Variants in PHLPP2 observed in about 807,000 individuals in gnomAD.
The protein encoded by PHLPP2 is PH domain and leucine rich repeat protein phosphatase 2.
A neutral mutation model predicts 124.9 loss-of-function variants in PHLPP2; 66 were observed. That is an observed-to-expected ratio of 0.53 (90% CI 0.43 to 0.65). The LOEUF is 0.65. Among genes scored for constraint, PHLPP2 ranks in the 30% least tolerant of loss-of-function variants. PHLPP2 has a pLI of 0.00. For synonymous variants in PHLPP2, 681 were observed against 624.7 expected (o/e 1.09, Z -1.34); for missense variants, 1,685 against 1,600.4 (o/e 1.05, Z -0.90).
rs1409315711 is a variant in PHLPP2, at chr16:71,686,772, T to C, written c.610-2171A>G. On this transcript the variant is annotated intron_variant, in intron 4 of 18. Coordinates refer to ENST00000568954, the MANE Select transcript of PHLPP2 (RefSeq NM_015020.3). ...GTTCTTGTATCAGCAGTTCTTTCCC[T>C]TTTTTTTTTTTCGCTTAGCAGTATT... is the stretch of plus-strand genomic sequence containing the variant. Among the ~76,000 whole-genome samples, 8 of 134,336 alleles carry C rather than the reference T, an allele frequency of 6.0e-5. No individual in the cohort carries two copies. The South Asian group carries it at 1.5e-3, about 26-fold the overall frequency. 88.1% of individuals were successfully genotyped at this position (134,336 alleles called of 152,430 possible).
At chr16:71,684,421 C>A (rs1479031985) in intron 5 of PHLPP2, 55 bp downstream of exon 5, 4 of 1,587,158 alleles carry the variant, frequency 2.5e-6, no homozygotes, top group Non-Finnish European at 8.6e-7. Context: ...CCACCACGCC[C>A]GGCCTAGGGT....
intron 12 of PHLPP2, among the ~76,000 whole-genome samples, chr16:71,666,596 C>T (rs1252477962): frequency 6.6e-6 from 1 of 152,180 alleles, no homozygotes; most frequent in African/African-American, 2.4e-5. Context: ...GTGATGTACA[C>T]ATTAGGTAAA....
chr16:71,657,259 A>G (rs1391816623), intron 15 of PHLPP2, among the ~76,000 whole-genome samples: 2 of 151,230 alleles, frequency 1.3e-5, no homozygotes, highest in Non-Finnish European at 2.9e-5. Flanking sequence ...TGTATTTTTA[A>G]TAGGGATGGA....
At chr16:71,717,120 T>G (rs1469002936) in intron 1 of PHLPP2, among the ~76,000 whole-genome samples, 1 of 152,220 alleles carries the variant, frequency 6.6e-6, no homozygotes, top group Non-Finnish European at 1.5e-5. Flanking sequence ...TGGAGAACCC[T>G]ACATCTTTGC....
chr16:71,660,771 C>CT (rs563793089), intron 13 of PHLPP2, among the ~76,000 whole-genome samples: 2 of 152,034 alleles, frequency 1.3e-5, no homozygotes, highest in African/African-American at 4.8e-5. Flanking sequence ...AAATCTCGTG[C>CT]TTTTTTCCCT....
At chr16:71,681,644 G>A in intron 6 of PHLPP2, 107 bp downstream of exon 6, 2 of 831,586 alleles carry the variant, frequency 2.4e-6, no homozygotes, top group Non-Finnish European at 3.6e-6. Context: ...CTTCAAAAGG[G>A]AGGGGAAATT....
intron 2 of PHLPP2, among the ~76,000 whole-genome samples, chr16:71,702,944 C>A (rs2045245756): frequency 6.6e-6 from 1 of 152,036 alleles, no homozygotes; most frequent in Non-Finnish European, 1.5e-5. Flanking sequence ...ATCCTTCACT[C>A]CCACCCCACC....
intron 2 of PHLPP2, 101 bp from the exon 3 acceptor site, chr16:71,702,832 G>T: frequency 1.4e-6 from 1 of 708,176 alleles, no homozygotes; most frequent in Non-Finnish European, 2.2e-6. Flanking sequence ...AGGGGTACAA[G>T]TGCTATTCTG....
intron 1 of PHLPP2, among the ~76,000 whole-genome samples, chr16:71,720,215 A>C (rs1014124614): frequency 5.3e-5 from 8 of 151,008 alleles, no homozygotes; most frequent in Non-Finnish European, 1.0e-4. Context: ...GTGATCCACC[A>C]GCCTCGGCCT....
chr16:71,666,086 T>C (rs2044837454), intron 12 of PHLPP2: 1 of 152,196 alleles, frequency 6.6e-6, no homozygotes, highest in Non-Finnish European at 1.5e-5. Flanking sequence ...AAAAACTAGT[T>C]TTCAGTGCTT....
At chr16:71,707,177 G>A (rs1267025711) in intron 2 of PHLPP2, among the ~76,000 whole-genome samples, 2 of 151,482 alleles carry the variant, frequency 1.3e-5, no homozygotes, top group Non-Finnish European at 2.9e-5. Context: ...GGATGGTCTC[G>A]ATCTCCTGAC....
chr16:71,662,652 T>C (rs2044802099), intron 13 of PHLPP2, among the ~76,000 whole-genome samples: 2 of 152,216 alleles, frequency 1.3e-5, no homozygotes, highest in Non-Finnish European at 2.9e-5. Flanking sequence ...TCAAATGTCA[T>C]TGCCTCACAT....
At chr16:71,700,226 G>A (rs956356009) in intron 3 of PHLPP2, among the ~76,000 whole-genome samples, 8 of 152,100 alleles carry the variant, frequency 5.3e-5, no homozygotes, top group East Asian at 1.9e-4. Flanking sequence ...GCAACATGGC[G>A]AGACCTCAGC....
At position 71,701,391 on chromosome 16, in the gene PHLPP2, A is replaced by G. The variant is rs367588737; in HGVS notation, c.418+1207T>C. Among the ~76,000 whole-genome samples, 223 of 152,112 alleles carry G rather than the reference A, an allele frequency of 1.5e-3. 8 individuals carry two copies. The South Asian group carries it at 0.041, about 28-fold the overall frequency. ...CCAGGTACATTATTACTTTTCAAAGATTATTAACTTTAAGTTTCATCCCAA... is the reference window on the plus strand; with the variant it reads ...CCAGGTACATTATTACTTTTCAAAGGTTATTAACTTTAAGTTTCATCCCAA... On this transcript the variant is annotated intron_variant, in intron 3 of 18. Transcript: ENST00000568954.
chr16:71,690,168 TG>T, intron 4 of PHLPP2, among the ~76,000 whole-genome samples: 1 of 152,054 alleles, frequency 6.6e-6, no homozygotes, highest in Non-Finnish European at 1.5e-5. Flanking sequence ...TTAATTTAAT[TG>T]GGGGGGAAAA....
chr16:71,691,213 G>A (rs550449677), intron 3 of PHLPP2, among the ~76,000 whole-genome samples: 3 of 152,098 alleles, frequency 2.0e-5, no homozygotes, highest in Non-Finnish European at 2.9e-5. Context: ...CAGCACTTTG[G>A]GGGGGCCAAG....
At position 71,690,675 on chromosome 16, in the gene PHLPP2, G is replaced by C; in HGVS notation, c.453C>G (p.Ile151Met). 1 of 1,613,444 alleles carries C rather than the reference G, an allele frequency of 6.2e-7. No homozygotes were observed. The highest frequency in any genetic ancestry group is 1.1e-5 in the South Asian group (1 of 90,878). Residue 151 changes from isoleucine to methionine, a missense_variant, in exon 4 of 19, where the codon ATC becomes ATG. By Grantham distance (10) the Ile-to-Met change is conservative. Coordinates refer to ENST00000568954, the MANE Select transcript of PHLPP2 (RefSeq NM_015020.3). ...GTACATTATAGATGCCAGACAATAG[G>C]ATTCGATCCAAACGATCCATGTGGC... is the stretch of plus-strand genomic sequence containing the variant. ...KPCHMDRLDR[I>M]LLSGIYNVRK... is the part of the protein sequence containing the mutation.
In PHLPP2 at chr16:71,667,348, T is replaced by C; in HGVS notation, c.1629-15A>G. On this transcript the variant is annotated splice_polypyrimidine_tract_variant and intron_variant, in intron 11 of 18. Coordinates refer to ENST00000568954, the MANE Select transcript of PHLPP2 (RefSeq NM_015020.3). The stretch of plus-strand genomic sequence containing the variant: ...TACTCAGAATTCTAAGGGGGGAGCA[T>C]ACAAACAAACACATTAAAAACTTAC... 6.3e-7 allele frequency: 1 copy of C among 1,598,226 alleles called. No individual in the cohort carries two copies. The highest frequency in any genetic ancestry group is 8.6e-7 in the Non-Finnish European group (1 of 1,167,354).
chr16:71,684,318 G>A (rs1346540502), intron 5 of PHLPP2, among the ~76,000 whole-genome samples, 158 bp downstream of exon 5: 2 of 151,598 alleles, frequency 1.3e-5, no homozygotes, highest in Admixed American at 1.3e-4. Context: ...TAGAGACAGG[G>A]TTTCACCATG....
Sources: allele counts gnomAD v4.1 joint callset (sites outside exome capture counted in the v4.1 genomes callset), GRCh38; gene constraint gnomAD v4.1.1; transcripts MANE v1.5; gene names NCBI Gene and HGNC (gene_info 2026-07-23, HGNC 2026-07-21).